ZNF804B: variants seen among roughly 807,000 people sequenced by gnomAD.
ZNF804B encodes the protein zinc finger 804B.
ZNF804B carries 80 observed loss-of-function variants against 101.4 expected under a neutral mutation model. That is an observed-to-expected ratio of 0.79 (90% CI 0.66 to 0.95). The LOEUF is 0.95. Among genes scored for constraint, ZNF804B ranks in the 40% least tolerant of loss-of-function variants. The pLI is 0.00. For synonymous variants in ZNF804B, 622 were observed against 558.8 expected, an observed-to-expected ratio of 1.11 and a Z score of -1.59; for missense variants, 1,673 against 1,561.9, an observed-to-expected ratio of 1.07 and a Z score of -1.20.
intron 1 of ZNF804B, among the ~76,000 whole-genome samples, chr7:88,903,140 A>G (rs1160163458): frequency 1.4e-5 from 2 of 144,298 alleles, no homozygotes; most frequent in Admixed American, 7.1e-5. Flanking sequence ...AATTGATTCC[A>G]TCTTTACGTC....
At chr7:88,984,306 TG>T (rs1222605175) in intron 1 of ZNF804B, among the ~76,000 whole-genome samples, 2 of 152,054 alleles carry the variant, frequency 1.3e-5, no homozygotes, top group Admixed American at 6.6e-5. Context: ...TTCTTCTTAA[TG>T]GAGGAATTTA....
chr7:89,124,358 C>T (rs1438831140), intron 1 of ZNF804B, among the ~76,000 whole-genome samples: 1 of 152,074 alleles, frequency 6.6e-6, no homozygotes, highest in African/African-American at 2.4e-5. Context: ...GATGGGGATA[C>T]AAGGGAGAAA....
intron 1 of ZNF804B, among the ~76,000 whole-genome samples, chr7:89,087,066 A>G (rs1054225458): frequency 6.6e-6 from 1 of 151,752 alleles, no homozygotes; most frequent in African/African-American, 2.4e-5. Flanking sequence ...CAAAAAAAAA[A>G]AAAAAGAAAG....
chr7:88,966,895 G>C (rs1396013705), intron 1 of ZNF804B, among the ~76,000 whole-genome samples: 1 of 151,036 alleles, frequency 6.6e-6, no homozygotes, highest in Non-Finnish European at 1.5e-5. Flanking sequence ...CACCATAGGT[G>C]TACTGATTCC....
At chr7:88,891,073 C>A (rs903682540) in intron 1 of ZNF804B, among the ~76,000 whole-genome samples, 2 of 151,964 alleles carry the variant, frequency 1.3e-5, no homozygotes, top group Non-Finnish European at 2.9e-5. Flanking sequence ...TACTGATATA[C>A]CCCTACCACA....
At chr7:89,275,960 C>T (rs1258607195) in intron 2 of ZNF804B, among the ~76,000 whole-genome samples, 1 of 151,766 alleles carries the variant, frequency 6.6e-6, no homozygotes, top group Non-Finnish European at 1.5e-5. Flanking sequence ...AAATGTGGTA[C>T]ATAAACACCA....
intron 1 of ZNF804B, among the ~76,000 whole-genome samples, chr7:89,107,683 G>A (rs1014065104): frequency 6.6e-5 from 10 of 152,174 alleles, no homozygotes; most frequent in East Asian, 5.8e-4. Context: ...TCCTTTACCC[G>A]ATGAATCTGG....
At chr7:89,187,029 C>A (rs1384513086) in intron 1 of ZNF804B, among the ~76,000 whole-genome samples, 1 of 152,144 alleles carries the variant, frequency 6.6e-6, no homozygotes, top group African/African-American at 2.4e-5. Context: ...ACCTTGATGA[C>A]TGTCTTGGAA....
At chr7:89,261,639 C>G (rs1177810193) in intron 2 of ZNF804B, among the ~76,000 whole-genome samples, 2 of 152,152 alleles carry the variant, frequency 1.3e-5, no homozygotes, top group Admixed American at 6.5e-5. Flanking sequence ...GTATAGCCTA[C>G]TACACACCTA....
At chr7:89,007,448 A>ATATATATT (rs1788383200) in intron 1 of ZNF804B, among the ~76,000 whole-genome samples, 1 of 60,612 alleles carries the variant, frequency 1.6e-5, no homozygotes, top group Non-Finnish European at 3.0e-5. Flanking sequence ...CCATGATTTT[A>ATATATATT]TATATATATA....
intron 2 of ZNF804B, among the ~76,000 whole-genome samples, chr7:89,286,277 C>A (rs1790194578): frequency 6.6e-6 from 1 of 151,568 alleles, no homozygotes; most frequent in Non-Finnish European, 1.5e-5. Context: ...GCAATTCTGT[C>A]TCAAAAGAAA....
intron 2 of ZNF804B, among the ~76,000 whole-genome samples, chr7:89,223,938 CTT>C (rs1460289232): frequency 6.6e-6 from 1 of 151,884 alleles, no homozygotes; most frequent in Non-Finnish European, 1.5e-5. Context: ...ATTATAATCA[CTT>C]AGATAAAGAC....
chr7:89,111,041 A>G (rs1790208242), intron 1 of ZNF804B, among the ~76,000 whole-genome samples: 1 of 152,050 alleles, frequency 6.6e-6, no homozygotes, highest in South Asian at 2.1e-4. Flanking sequence ...AGTTTCCTCC[A>G]TGTCTTTTTA....
chr7:89,183,398 G>T (rs1584037948), intron 1 of ZNF804B, among the ~76,000 whole-genome samples: 5 of 151,942 alleles, frequency 3.3e-5, no homozygotes, highest in Non-Finnish European at 2.9e-5. Context: ...TAAAAAAAAA[G>T]ATCCTAAAAA....
chr7:88,849,692 A>T (rs1403560720), intron 1 of ZNF804B, among the ~76,000 whole-genome samples: 1 of 151,198 alleles, frequency 6.6e-6, no homozygotes, highest in Non-Finnish European at 1.5e-5. Context: ...TAAAATTTAA[A>T]TTTAAATTTT....
At chr7:89,124,688 A>G (rs576981092) in intron 1 of ZNF804B, among the ~76,000 whole-genome samples, 27 of 152,294 alleles carry the variant, frequency 1.8e-4, no homozygotes, top group African/African-American at 6.3e-4. Flanking sequence ...TGATTTTTGC[A>G]ATGTTGTCTG....
intron 1 of ZNF804B, among the ~76,000 whole-genome samples, chr7:88,944,459 G>T (rs1215225141): frequency 6.6e-6 from 1 of 151,252 alleles, no homozygotes; most frequent in Non-Finnish European, 1.5e-5. Flanking sequence ...TTATTGAGTT[G>T]CAAGGTTAAT....
intron 1 of ZNF804B, among the ~76,000 whole-genome samples, chr7:88,908,814 G>T (rs1321508067): frequency 6.6e-6 from 1 of 151,710 alleles, no homozygotes; most frequent in Admixed American, 6.6e-5. Context: ...AATCTGTCAT[G>T]TCTTCTACTG....
chr7:89,152,101 G>A (rs761721577), intron 1 of ZNF804B, among the ~76,000 whole-genome samples: 8 of 151,996 alleles, frequency 5.3e-5, no homozygotes, highest in Non-Finnish European at 1.0e-4. Context: ...TAACCCAACT[G>A]GGATATTATG....
Sources: allele counts gnomAD v4.1 joint callset (sites outside exome capture counted in the v4.1 genomes callset), GRCh38; gene constraint gnomAD v4.1.1; transcripts MANE v1.5; gene names NCBI Gene and HGNC (gene_info 2026-07-23, HGNC 2026-07-21).